The following IL4R variants were observed in gnomAD, a reference collection of about 807,000 sequenced individuals.
IL4R encodes interleukin 4 receptor.
IL4R carries 17 observed loss-of-function variants against 41.5 expected under a neutral mutation model. The ratio of observed to expected loss-of-function variants is 0.41; its 90% CI spans 0.28 to 0.61. The LOEUF is 0.61. Ranked by LOEUF, IL4R falls within the 20% of genes least tolerant of loss-of-function variation. The probability of loss-of-function intolerance (pLI) is 0.31; values close to 1 mark genes in which losing one functional copy is unlikely to be tolerated. For synonymous variants in IL4R, 402 were observed against 422.9 expected (o/e 0.95, Z 0.61); for missense variants, 974 against 1,043.1 (o/e 0.93, Z 0.91).
chr16:27,362,032 G>T (rs762618063), intron 10 of IL4R, among the ~76,000 whole-genome samples: 2 of 152,106 alleles, frequency 1.3e-5, no homozygotes, highest in Non-Finnish European at 2.9e-5. Context: ...TTGGTGCCCA[G>T]GACATGTGCT....
At chr16:27,361,202 G>A (rs3024694) in intron 10 of IL4R, among the ~76,000 whole-genome samples, 5,415 of 151,844 alleles carry the variant, frequency 0.036, 120 homozygotes, top group Middle Eastern at 0.065. Context: ...GCAGTGGTGC[G>A]ATCATAGCTC....
chr16:27,329,934 G>C (rs1295664813), intron 1 of IL4R, 132 bp from the exon 2 acceptor site: 1 of 152,038 alleles, frequency 6.6e-6, no homozygotes, highest in African/African-American at 2.4e-5. Context: ...GGAGAGCTGG[G>C]AGTGTATCCC....
chr16:27,330,484 T>C (rs1160272674), intron 2 of IL4R, among the ~76,000 whole-genome samples: 2 of 152,166 alleles, frequency 1.3e-5, no homozygotes, highest in East Asian at 3.9e-4. Context: ...AAATCTGTAA[T>C]ACAGTATCAC....
At position 27,363,578 on chromosome 16, in the gene IL4R, TTGCTGTGGCTGC is replaced by T; in HGVS notation, c.2235_2246del (p.Cys746_Gly749del). 1 of 1,614,160 alleles carries T rather than the reference TTGCTGTGGCTGC, an allele frequency of 6.2e-7. No individual in the cohort carries two copies. Among genetic ancestry groups the T allele is most frequent in the Non-Finnish European group, 8.5e-7 (1 of 1,180,016 alleles). ...GCCAGACCCCTGTCATGGCCAGTCC[TTGCTGTGGCTGC>T]TGCTGTGGAGACAGGTCCTCGCCCC... On this transcript the variant is annotated inframe_deletion, in exon 11 of 11. Coordinates refer to ENST00000395762, the MANE Select transcript of IL4R (RefSeq NM_000418.4).
chr16:27,339,016 G>A (rs1232517228), intron 2 of IL4R, among the ~76,000 whole-genome samples: 1 of 151,796 alleles, frequency 6.6e-6, no homozygotes, highest in East Asian at 1.9e-4. Flanking sequence ...CACCACACTC[G>A]GCTAGTTTTT....
intron 1 of IL4R, among the ~76,000 whole-genome samples, chr16:27,323,659 C>CTT (rs879485903): frequency 6.9e-6 from 1 of 144,212 alleles, no homozygotes; most frequent in East Asian, 2.0e-4. Flanking sequence ...TCAAGGGCTT[C>CTT]TTTTTTTTTT....
At chr16:27,326,219 C>T (rs974610468) in intron 1 of IL4R, among the ~76,000 whole-genome samples, 5 of 152,094 alleles carry the variant, frequency 3.3e-5, no homozygotes, top group Non-Finnish European at 5.9e-5. Context: ...TTGCTCAAAA[C>T]GCTCTGGCAA....
chr16:27,333,896 T>C lies in IL4R; in HGVS notation c.-19+3698T>C, dbSNP rs566488549. ...CACCACTTCAGGAATCTCTTTTTTT[T>C]TTTTCTGAGACAGTCTTGCTCTGTC... On this transcript the variant is annotated intron_variant, in intron 2 of 10. Transcript: ENST00000395762. Among the ~76,000 whole-genome samples, 1,127 of 152,070 alleles carry C rather than the reference T, an allele frequency of 7.4e-3. 16 individuals carry two copies. The highest frequency in any genetic ancestry group is 0.025 in the African/African-American group (1,051 of 41,506).
Position 27,314,097 on chromosome 16 carries a change from G to T in IL4R, c.-152+77G>T, listed in dbSNP as rs1185992066. 6.1e-6 allele frequency: 6 copies of T among 984,998 alleles called. No individual in the cohort carries two copies. The East Asian group carries it at 4.6e-4, about 75-fold the overall frequency. 61.0% of individuals were successfully genotyped at this position (984,998 alleles called of 1,614,324 possible). The stretch of plus-strand genomic sequence containing the variant: ...ACGCCGGCTGAGGGCGTTCGGGAAG[G>T]GCTCGGCCGCCGGCGGGGACCACGG... On this transcript the variant is annotated intron_variant, in intron 1 of 10. Transcript: ENST00000395762.
chr16:27,360,216 G>C (rs1010311811), intron 9 of IL4R, among the ~76,000 whole-genome samples: 1 of 152,166 alleles, frequency 6.6e-6, no homozygotes, highest in Middle Eastern at 3.2e-3. Flanking sequence ...GTTTCTTCAT[G>C]TCGGTCAGGC....
chr16:27,340,520 C>T (rs924658495), intron 3 of IL4R, among the ~76,000 whole-genome samples: 10 of 151,982 alleles, frequency 6.6e-5, no homozygotes, highest in Non-Finnish European at 1.5e-4. Context: ...CCCAGGAGTT[C>T]GAGGTCAGCT....
At chr16:27,349,637 T>C (rs2085793378) in intron 6 of IL4R, among the ~76,000 whole-genome samples, 1 of 152,216 alleles carries the variant, frequency 6.6e-6, no homozygotes, top group Non-Finnish European at 1.5e-5. Context: ...GCCAAAAGTT[T>C]AGTTAGAGCC....
At chr16:27,325,784 G>C (rs1358748296) in intron 1 of IL4R, among the ~76,000 whole-genome samples, 1 of 151,892 alleles carries the variant, frequency 6.6e-6, no homozygotes, top group Non-Finnish European at 1.5e-5. Context: ...GTGCATCCCC[G>C]ATAAAGAAAC....
At chr16:27,320,197 G>A (rs940825511) in intron 1 of IL4R, among the ~76,000 whole-genome samples, 25 of 152,164 alleles carry the variant, frequency 1.6e-4, no homozygotes, top group Non-Finnish European at 3.2e-4. Flanking sequence ...AGACTCTAAT[G>A]CCTGATGATC....
intron 6 of IL4R, 23 bp from the exon 7 acceptor site, chr16:27,352,517 A>G: frequency 1.9e-6 from 3 of 1,610,538 alleles, no homozygotes; most frequent in Non-Finnish European, 2.5e-6. Flanking sequence ...CTGGTGCCCT[A>G]ACATCTCCCT....
At position 27,363,467 on chromosome 16, in the gene IL4R, C is replaced by T; in HGVS notation, c.2115C>T (p.Asp705=). The part of the protein sequence containing the change: ...PQEQATDPLV[D]SLGSGIVYSA... ...AGCAGGCCACAGACCCCCTTGTGGA[C>T]AGCCTGGGCAGTGGCATTGTCTACT... The change falls in exon 11 of 11, where the codon GAC becomes GAT. Residue 705 remains aspartate, a synonymous_variant. Coordinates refer to ENST00000395762, the MANE Select transcript of IL4R (RefSeq NM_000418.4). The T allele has an allele frequency of 5.0e-6, 8 of 1,614,070 alleles. No individual in the cohort carries two copies. Among genetic ancestry groups the T allele is most frequent in the Non-Finnish European group, 6.8e-6 (8 of 1,179,966 alleles).
At chr16:27,359,731 A>G (rs2141210821) in intron 9 of IL4R, 1 of 447,286 alleles carries the variant, frequency 2.2e-6, no homozygotes, top group Non-Finnish European at 4.6e-6. Flanking sequence ...ACCTGGTAGG[A>G]CAGATATTGG....
intron 2 of IL4R, among the ~76,000 whole-genome samples, chr16:27,339,340 C>G (rs1355125403): frequency 6.6e-6 from 1 of 152,074 alleles, no homozygotes. Flanking sequence ...ATTACCTGCT[C>G]TAAGGTATTT....
intron 6 of IL4R, among the ~76,000 whole-genome samples, chr16:27,348,222 C>T (rs2085728788): frequency 6.6e-6 from 1 of 152,162 alleles, no homozygotes; most frequent in Admixed American, 6.5e-5. Context: ...AGGAATGGGG[C>T]AGTTGGCTCA....
Sources: gnomAD v4.1 joint callset for allele counts (sites outside exome capture counted in the v4.1 genomes callset) on GRCh38, gnomAD v4.1.1 for gene constraint, MANE v1.5 for transcripts, NCBI Gene and HGNC (gene_info 2026-07-23, HGNC 2026-07-21) for gene names.